RPS6KA5: variants seen among roughly 807,000 people sequenced by gnomAD.
RPS6KA5 encodes the protein ribosomal protein S6 kinase alpha-5.
Under a neutral mutation model 85.5 loss-of-function variants are expected in RPS6KA5, and 27 were observed. The observed-to-expected ratio is 0.32, with a 90% CI of 0.23 to 0.44. The LOEUF (loss-of-function observed/expected upper bound fraction) is 0.44, where lower values mean the gene tolerates loss of function less well. Among genes scored for constraint, RPS6KA5 ranks in the 20% least tolerant of loss-of-function variants. RPS6KA5 has a pLI of 1.00. For missense variants in RPS6KA5, 811 were observed against 980.9 expected, an observed-to-expected ratio of 0.83 and a Z score of 2.31; for synonymous variants, 334 against 348.2, an observed-to-expected ratio of 0.96 and a Z score of 0.46.
intron 3 of RPS6KA5, among the ~76,000 whole-genome samples, chr14:90,966,223 C>T (rs939973534): frequency 2.0e-5 from 3 of 152,122 alleles, no homozygotes; most frequent in African/African-American, 4.8e-5. Flanking sequence ...CTTTGAAAAA[C>T]AAGACTCTGT....
chr14:90,982,487 A>C (rs1030828044), intron 2 of RPS6KA5, among the ~76,000 whole-genome samples: 1 of 152,172 alleles, frequency 6.6e-6, no homozygotes, highest in East Asian at 1.9e-4. Context: ...AAGATAAAAC[A>C]ATAGTACTTC....
In RPS6KA5 at chr14:90,852,427, A is replaced by T. The variant is rs2032049211; in HGVS notation, c.*19647T>A. The T allele has an allele frequency of 6.6e-6, 1 of 152,304 alleles. No homozygotes were observed. The highest frequency in any genetic ancestry group is 6.5e-5 in the Admixed American group (1 of 15,294). The allele number at this position is 152,304 out of a possible 1,614,324, so 9.4% of individuals were successfully genotyped here. ...CTCATAAGGAAATAACTAATTGTCA[A>T]TGTCTAAATACCTTAAAAAGAAGCA... On this transcript the variant is annotated 3_prime_UTR_variant, in exon 17 of 17. Coordinates refer to ENST00000614987, the MANE Select transcript of RPS6KA5 (RefSeq NM_004755.4).
intron 7 of RPS6KA5, among the ~76,000 whole-genome samples, chr14:90,912,392 G>A (rs187978949): frequency 3.0e-4 from 45 of 152,252 alleles, no homozygotes; most frequent in African/African-American, 8.7e-4. Context: ...AGTGATACCC[G>A]TGAAGACAGC....
chr14:90,925,666 T>C (rs551626271), intron 5 of RPS6KA5, among the ~76,000 whole-genome samples: 2 of 152,096 alleles, frequency 1.3e-5, no homozygotes, highest in East Asian at 3.9e-4. Context: ...GAAGGATTAC[T>C]TGAAACAGTA....
intron 1 of RPS6KA5, among the ~76,000 whole-genome samples, chr14:91,053,347 T>C (rs2043172626): frequency 6.6e-6 from 1 of 152,226 alleles, no homozygotes; most frequent in Admixed American, 6.5e-5. Context: ...ATAGTGAAGG[T>C]TCTGGCCAAG....
chr14:90,972,077 T>C (rs946795172), intron 3 of RPS6KA5, among the ~76,000 whole-genome samples: 1 of 152,164 alleles, frequency 6.6e-6, no homozygotes, highest in Non-Finnish European at 1.5e-5. Flanking sequence ...AGGAAGTAAA[T>C]GCTAAAACAC....
intron 5 of RPS6KA5, among the ~76,000 whole-genome samples, chr14:90,942,565 GC>G (rs1359890224): frequency 6.6e-6 from 1 of 152,126 alleles, no homozygotes; most frequent in Admixed American, 6.5e-5. Context: ...TGTAAAATCT[GC>G]ACATTAGCCA....
chr14:90,932,142 G>A (rs764726071), intron 5 of RPS6KA5, among the ~76,000 whole-genome samples: 2 of 152,004 alleles, frequency 1.3e-5, no homozygotes, highest in Non-Finnish European at 2.9e-5. Flanking sequence ...TCATTCATTT[G>A]AGACAGGGTC....
At chr14:90,913,269 C>T (rs911960941) in intron 7 of RPS6KA5, among the ~76,000 whole-genome samples, 3 of 152,086 alleles carry the variant, frequency 2.0e-5, no homozygotes, top group African/African-American at 7.2e-5. Flanking sequence ...TCTCCTACTA[C>T]ACTGCTGGGA....
chr14:91,025,544 T>C (rs1250323828), intron 1 of RPS6KA5, among the ~76,000 whole-genome samples: 2 of 152,214 alleles, frequency 1.3e-5, no homozygotes, highest in Non-Finnish European at 2.9e-5. Context: ...TAATATTATT[T>C]TGCGGAGGAG....
At chr14:90,907,144 C>T (rs890467011) in intron 7 of RPS6KA5, among the ~76,000 whole-genome samples, 2 of 152,086 alleles carry the variant, frequency 1.3e-5, no homozygotes, top group African/African-American at 4.8e-5. Context: ...AAATTAAGAA[C>T]CTTAACACAA....
chr14:90,888,715 C>T (rs748791862), intron 14 of RPS6KA5, among the ~76,000 whole-genome samples: 1 of 151,992 alleles, frequency 6.6e-6, no homozygotes, highest in Middle Eastern at 3.2e-3. Flanking sequence ...CATAAACTTG[C>T]GGTGGGCATA....
intron 5 of RPS6KA5, among the ~76,000 whole-genome samples, chr14:90,936,806 A>G (rs2037283548): frequency 6.6e-6 from 1 of 152,196 alleles, no homozygotes; most frequent in Admixed American, 6.5e-5. Context: ...CCTGAAGATT[A>G]AATATATTTC....
At chr14:90,880,850 G>C (rs943378957) in intron 14 of RPS6KA5, among the ~76,000 whole-genome samples, 19 of 47,140 alleles carry the variant, frequency 4.0e-4, no homozygotes, top group African/African-American at 1.6e-3. Flanking sequence ...TTTTTTTTTT[G>C]TGAGACAAGG....
chr14:90,915,164 C>T (rs530632557), intron 7 of RPS6KA5, among the ~76,000 whole-genome samples: 43 of 152,218 alleles, frequency 2.8e-4, no homozygotes, highest in African/African-American at 1.0e-3. Context: ...CCAAAAGCAA[C>T]ATATCTCAAA....
Position 91,036,688 on chromosome 14 carries a change from C to T in RPS6KA5, c.103+23644G>A, listed in dbSNP as rs146225927. Among the ~76,000 whole-genome samples, 246 of 152,302 alleles carry T rather than the reference C, an allele frequency of 1.6e-3. 3 individuals carry two copies. Among genetic ancestry groups the T allele is most frequent in the Admixed American group, 0.014 (213 of 15,288 alleles). ...AGGTCACTGCTGTGGGTAACTGGAGCTCAATTTTGCCAGGATTCCCTAAGG... is the reference window on the plus strand; with the variant it reads ...AGGTCACTGCTGTGGGTAACTGGAGTTCAATTTTGCCAGGATTCCCTAAGG... On this transcript the variant is annotated intron_variant, in intron 1 of 16. Coordinates refer to ENST00000614987, the MANE Select transcript of RPS6KA5 (RefSeq NM_004755.4).
intron 1 of RPS6KA5, among the ~76,000 whole-genome samples, chr14:91,005,747 T>G (rs960864204): frequency 1.3e-5 from 2 of 152,222 alleles, no homozygotes; most frequent in Non-Finnish European, 2.9e-5. Flanking sequence ...CTCTTAATTG[T>G]TAACCTAAGA....
At chr14:91,039,580 G>C (rs2042526894) in intron 1 of RPS6KA5, among the ~76,000 whole-genome samples, 1 of 152,176 alleles carries the variant, frequency 6.6e-6, no homozygotes, top group Non-Finnish European at 1.5e-5. Flanking sequence ...TTATGTTTCT[G>C]AGATGCACAT....
In RPS6KA5 at chr14:90,978,368, G is replaced by C; in HGVS notation, c.332C>G (p.Ser111Trp). The change falls in exon 3 of 17, where the codon TCG becomes TGG. Residue 111 changes from serine (S) to tryptophan (W), a missense_variant. This residue lies in a region of RPS6KA5 where 48 missense variants were observed against 87.6 expected (regional missense o/e 0.55). Transcript: ENST00000614987. ...ERQVLEHIRQSPFLVTLHYAF... is the reference protein window; with the variant it reads ...ERQVLEHIRQWPFLVTLHYAF... ...ATAATGTAATGTTACCAAAAATGGC[G>C]ACTGCCTAATGTGTTCCAGGACTTG... 1 of 1,613,034 alleles carries C rather than the reference G, an allele frequency of 6.2e-7. No individual in the cohort carries two copies. The highest frequency in any genetic ancestry group is 1.1e-5 in the South Asian group (1 of 90,696).
Sources: allele counts gnomAD v4.1 joint callset (sites outside exome capture counted in the v4.1 genomes callset), GRCh38; gene constraint gnomAD v4.1.1; regional missense constraint gnomAD v4.1.1; transcripts MANE v1.5; gene names NCBI Gene and HGNC (gene_info 2026-07-23, HGNC 2026-07-21).